Variants in SIGLEC7 observed in about 807,000 individuals in gnomAD.
SIGLEC7 encodes sialic acid-binding Ig-like lectin 7.
SIGLEC7 carries 33 observed loss-of-function variants against 40.8 expected under a neutral mutation model. That is an observed-to-expected ratio of 0.81 (90% CI 0.61 to 1.08). SIGLEC7 has a LOEUF of 1.08. Among genes scored for constraint, SIGLEC7 ranks in the 50% least tolerant of loss-of-function variants. SIGLEC7 has a pLI of 0.00. For synonymous variants in SIGLEC7, 242 were observed against 237.6 expected (o/e 1.02, Z -0.17); for missense variants, 513 against 576.1 (o/e 0.89, Z 1.12).
At chr19:51,144,124 G>A (rs1437336961) in intron 1 of SIGLEC7, 1 of 705,496 alleles carries the variant, frequency 1.4e-6, no homozygotes, top group Non-Finnish European at 2.7e-6. Context: ...AGGGGGATTT[G>A]AGGAACTACT....
chr19:51,146,036 T>G lies in SIGLEC7; in HGVS notation c.942T>G (p.Asp314Glu), dbSNP rs1173286006. The G allele has an allele frequency of 6.2e-7, 1 of 1,614,172 alleles. No individual in the cohort carries two copies. The highest frequency in any genetic ancestry group is 1.1e-5 in the South Asian group (1 of 91,088). ...LVLELQVHLG[D>E]EGEFTCRAQN... ...TGGAGCTGCAAGTGCACCTGGGGGA[T>G]GAAGGGGAATTCACCTGTCGAGCTC... The change falls in exon 4 of 7, where the codon GAT (aspartate) becomes GAG (glutamate). Residue 314 changes from aspartate (D) to glutamate (E), a missense_variant. Coordinates refer to ENST00000317643, the MANE Select transcript of SIGLEC7 (RefSeq NM_014385.4).
In SIGLEC7 at chr19:51,147,414, C is replaced by G. The variant is rs1317109893; in HGVS notation, c.1221+97C>G. On this transcript the variant is annotated intron_variant, in intron 6 of 6. Transcript: ENST00000317643. Reference sequence around the variant, plus strand: ...CTCTGCTTATCATGGCCAAAATTATCTCCTCATCTCCTCCTCCTTCCCACC... The same window carrying G: ...CTCTGCTTATCATGGCCAAAATTATGTCCTCATCTCCTCCTCCTTCCCACC... 3 of 911,554 alleles carry G rather than the reference C, an allele frequency of 3.3e-6. No individual in the cohort carries two copies. In the Admixed American group the frequency reaches 8.3e-5, roughly 25 times the overall value. The allele number at this position is 911,554 out of a possible 1,614,324, so 56.5% of individuals were successfully genotyped here.
intron 6 of SIGLEC7, among the ~76,000 whole-genome samples, chr19:51,149,080 C>A (rs1369103731): frequency 6.6e-6 from 1 of 152,182 alleles, no homozygotes; most frequent in Non-Finnish European, 1.5e-5. Context: ...TTGCCTAATG[C>A]ATAGTTTGCA....
rs759972757 is a variant in SIGLEC7, at chr19:51,153,265, CTTGT to C, written c.*24_*27del. The C allele has an allele frequency of 1.7e-3, 2,535 of 1,531,314 alleles. 6 individuals carry two copies. Among genetic ancestry groups the C allele is most frequent in the Non-Finnish European group, 2.0e-3 (2,231 of 1,135,542 alleles). 94.9% of individuals were successfully genotyped at this position (1,531,314 alleles called of 1,614,324 possible). On this transcript the variant is annotated 3_prime_UTR_variant, in exon 7 of 7. Coordinates refer to ENST00000317643, the MANE Select transcript of SIGLEC7 (RefSeq NM_014385.4). ...AAGTAAGAAAATGCAGAGGCTCGGGCTTGTTTGAGGGTTCACGACCCCTCCAGCA... is the reference window on the plus strand; with the variant it reads ...AAGTAAGAAAATGCAGAGGCTCGGGCTTGAGGGTTCACGACCCCTCCAGCA...
chr19:51,146,905 G>A, intron 5 of SIGLEC7, 55 bp downstream of exon 5: 1 of 1,536,088 alleles, frequency 6.5e-7, no homozygotes, highest in Non-Finnish European at 9.0e-7. Flanking sequence ...CGGACTGGGA[G>A]CAGGATCCCT....
Position 51,145,370 on chromosome 19 carries a change from AG to A in SIGLEC7, c.760+414del, listed in dbSNP as rs1268070956. ...GTAAAATGTGTCCCCAGAATCAACC[AG>A]GGTCTGTCCAGGCTGTCCTGAGCCT... is the stretch of plus-strand genomic sequence containing the variant. On this transcript the variant is annotated intron_variant, in intron 3 of 6. Transcript: ENST00000317643. The surrounding 1 kb of genome is among the most constrained non-coding windows in gnomAD (Gnocchi z 4.3). Among the ~76,000 whole-genome samples the A allele has an allele frequency of 1.1e-4, 17 of 152,346 alleles. No individual in the cohort carries two copies. The South Asian group carries it at 3.5e-3, about 32-fold the overall frequency.
intron 2 of SIGLEC7, 102 bp downstream of exon 2, chr19:51,144,786 T>C: frequency 6.3e-7 from 1 of 1,578,702 alleles, no homozygotes; most frequent in Non-Finnish European, 8.7e-7. Flanking sequence ...GGTCCCAGAA[T>C]CTGGGCTGGT....
At chr19:51,151,798 T>G (rs1055422504) in intron 6 of SIGLEC7, among the ~76,000 whole-genome samples, 20 of 152,186 alleles carry the variant, frequency 1.3e-4, no homozygotes, top group African/African-American at 4.8e-4. Context: ...ATAGTAGCAG[T>G]GCTTAGACTT....
At chr19:51,148,599 T>TTAGG (rs1376818970) in intron 6 of SIGLEC7, among the ~76,000 whole-genome samples, 3 of 152,248 alleles carry the variant, frequency 2.0e-5, no homozygotes, top group Admixed American at 6.5e-5. Context: ...GGATGGGCAT[T>TTAGG]TAGGTTAATT....
chr19:51,153,234 A>G lies in SIGLEC7; in HGVS notation c.1393A>G (p.Ile465Val), dbSNP rs1276880294. Residue 465 changes from isoleucine (I) to valine (V), a missense_variant, in exon 7 of 7, where the codon ATC (isoleucine) becomes GTC (valine). Transcript: ENST00000317643. ...CAACAATGAGTACTCAGAGATCAAG[A>G]TCCCCAAGTAAGAAAATGCAGAGGC... The part of the protein sequence containing the change: ...ATNNEYSEIK[I>V]PK 1 of 1,568,878 alleles carries G rather than the reference A, an allele frequency of 6.4e-7. No homozygotes were observed. The highest frequency in any genetic ancestry group is 1.2e-5 in the South Asian group (1 of 83,062).
chr19:51,147,179 C>T (rs764516947), intron 5 of SIGLEC7, 42 bp from the exon 6 acceptor site: 14 of 1,609,166 alleles, frequency 8.7e-6, no homozygotes, highest in Admixed American at 6.7e-5. Context: ...CACTGCACCC[C>T]GATCTGACCA....
At chr19:51,148,721 G>A (rs2092125140) in intron 6 of SIGLEC7, among the ~76,000 whole-genome samples, 1 of 152,182 alleles carries the variant, frequency 6.6e-6, no homozygotes, top group Non-Finnish European at 1.5e-5. Context: ...TGATTGCTAT[G>A]TCAAATGATA....
intron 4 of SIGLEC7, 108 bp from the exon 5 acceptor site, chr19:51,146,646 T>G (rs2092109915): frequency 2.2e-6 from 2 of 890,112 alleles, no homozygotes; most frequent in African/African-American, 3.3e-5. Context: ...CCTTTGTTTC[T>G]GGGAAGGGGG....
chr19:51,144,392 C>G lies in SIGLEC7; in HGVS notation c.434-14C>G. The G allele has an allele frequency of 6.3e-7, 1 of 1,596,856 alleles. No homozygotes were observed. Among genetic ancestry groups the G allele is most frequent in the Non-Finnish European group, 8.5e-7 (1 of 1,173,796 alleles). On this transcript the variant is annotated splice_polypyrimidine_tract_variant and intron_variant, in intron 1 of 6. Transcript: ENST00000317643. ...ATCCTCTGTCCTGATCCTGAGTCCC[C>G]CTCTCTTCACCAGCCTTGACCCACA...
At chr19:51,149,561 T>C (rs1228910971) in intron 6 of SIGLEC7, among the ~76,000 whole-genome samples, 1 of 152,242 alleles carries the variant, frequency 6.6e-6, no homozygotes, top group Non-Finnish European at 1.5e-5. Context: ...TGTAGACTTG[T>C]AATATAGTTT....
intron 6 of SIGLEC7, 21 bp from the exon 7 acceptor site, chr19:51,153,042 C>A: frequency 6.6e-7 from 1 of 1,516,968 alleles, no homozygotes; most frequent in Admixed American, 2.1e-5. Flanking sequence ...TGCTCTGACT[C>A]TCTTCTCTCT....
intron 5 of SIGLEC7, 65 bp from the exon 6 acceptor site, chr19:51,147,156 G>T: frequency 6.2e-7 from 1 of 1,605,314 alleles, no homozygotes; most frequent in Non-Finnish European, 8.5e-7. Context: ...TACAGGGCAG[G>T]GGTTGGTCTG....
At chr19:51,143,570 C>G (rs529181304) in intron 1 of SIGLEC7, among the ~76,000 whole-genome samples, 1 of 152,250 alleles carries the variant, frequency 6.6e-6, no homozygotes, top group African/African-American at 2.4e-5. Flanking sequence ...GTTTCCTTCA[C>G]TCTGTGCAGA....
At chr19:51,143,548 C>T (rs1313071572) in intron 1 of SIGLEC7, among the ~76,000 whole-genome samples, 6 of 152,106 alleles carry the variant, frequency 3.9e-5, no homozygotes, top group Admixed American at 1.3e-4. Flanking sequence ...TCTAGGGTCT[C>T]TGAGCTTCAG....
Sources: gnomAD v4.1 joint callset for allele counts (sites outside exome capture counted in the v4.1 genomes callset) on GRCh38, gnomAD v4.1.1 for gene constraint, Gnocchi (gnomAD v3.1) non-coding constraint, MANE v1.5 for transcripts, NCBI Gene and HGNC (gene_info 2026-07-23, HGNC 2026-07-21) for gene names.